The following CFAP299 variants were observed in gnomAD, a reference collection of about 807,000 sequenced individuals.
The protein encoded by CFAP299 is cilia and flagella associated protein 299, also known as cilia- and flagella-associated protein 299.
CFAP299 carries 21 observed loss-of-function variants against 27.0 expected under a neutral mutation model. That is an observed-to-expected ratio of 0.78 (90% CI 0.55 to 1.12). The LOEUF is 1.12. CFAP299 is among the 50% of genes most tolerant of loss of function. The probability of loss-of-function intolerance (pLI) is 0.00; values close to 1 mark genes in which losing one functional copy is unlikely to be tolerated. For synonymous variants in CFAP299, 104 were observed against 98.1 expected, an observed-to-expected ratio of 1.06 and a Z score of -0.36; for missense variants, 310 against 276.6, an observed-to-expected ratio of 1.12 and a Z score of -0.86.
intron 2 of CFAP299, among the ~76,000 whole-genome samples, chr4:80,411,118 A>T (rs946111347): frequency 6.6e-6 from 1 of 152,172 alleles, no homozygotes; most frequent in African/African-American, 2.4e-5. Flanking sequence ...TGGCTATTTG[A>T]CCCATTATTG....
chr4:80,508,685 A>G (rs979995534), intron 2 of CFAP299, among the ~76,000 whole-genome samples: 3 of 152,050 alleles, frequency 2.0e-5, no homozygotes, highest in African/African-American at 7.2e-5. Context: ...TGGCCTCCCC[A>G]GTAGCTGGGA....
chr4:80,844,449 A>T (rs1731049909), intron 3 of CFAP299, among the ~76,000 whole-genome samples: 1 of 152,096 alleles, frequency 6.6e-6, no homozygotes, highest in African/African-American at 2.4e-5. Context: ...CACCATTCTA[A>T]CTGGTGTGAG....
At chr4:80,532,271 A>G (rs960650992) in intron 2 of CFAP299, among the ~76,000 whole-genome samples, 1 of 152,186 alleles carries the variant, frequency 6.6e-6, no homozygotes, top group Admixed American at 6.5e-5. Flanking sequence ...TATTTTTTAA[A>G]TAAGACAAAT....
At chr4:80,741,168 C>A (rs975549995) in intron 3 of CFAP299, among the ~76,000 whole-genome samples, 1 of 144,880 alleles carries the variant, frequency 6.9e-6, no homozygotes, top group Non-Finnish European at 1.5e-5. Context: ...CTGAACAGAG[C>A]ATGTCTCAGG....
At chr4:80,603,934 CTCTTTAAAATAAATTAAT>C (rs1194798281) in intron 3 of CFAP299, among the ~76,000 whole-genome samples, 1 of 152,086 alleles carries the variant, frequency 6.6e-6, no homozygotes, top group African/African-American at 2.4e-5. Context: ...TGCATTCTCG[CTCTTTAAAATAAATTAAT>C]ACAACATGTT....
intron 3 of CFAP299, among the ~76,000 whole-genome samples, chr4:80,704,907 A>G (rs1721733621): frequency 6.6e-6 from 1 of 151,808 alleles, no homozygotes; most frequent in Non-Finnish European, 1.5e-5. Flanking sequence ...GGTAATTTTT[A>G]CCATTTCAGA....
chr4:80,931,718 A>ATG (rs750314286), intron 4 of CFAP299, among the ~76,000 whole-genome samples: 10 of 151,496 alleles, frequency 6.6e-5, no homozygotes, highest in Non-Finnish European at 1.3e-4. Flanking sequence ...TTTAACATGC[A>ATG]CGCACACACA....
rs34162187 is a variant in CFAP299, at chr4:80,891,765, TA to T, written c.476+21641del. Among the ~76,000 whole-genome samples, 55 of 59,066 alleles carry T rather than the reference TA, an allele frequency of 9.3e-4. 1 individual carries two copies. Among genetic ancestry groups the T allele is most frequent in the African/African-American group, 4.2e-3 (50 of 11,928 alleles). The allele number at this position is 59,066 out of a possible 152,430, so 38.7% of individuals were successfully genotyped here. A position where few individuals can be genotyped will look rare whatever the true frequency, so the allele number is the denominator to read the frequency against. The stretch of plus-strand genomic sequence containing the variant: ...ATGTACCCTAAAACTTAGAGTATAA[TA>T]AAAAAAAAAATTAAAAAAAAAATAA... On this transcript the variant is annotated intron_variant, in intron 4 of 5. Transcript: ENST00000358105.
intron 2 of CFAP299, among the ~76,000 whole-genome samples, chr4:80,429,428 T>A (rs900548766): frequency 4.6e-5 from 7 of 152,296 alleles, no homozygotes; most frequent in African/African-American, 1.7e-4. Flanking sequence ...TTTCCAGAAA[T>A]GTTTCTCCTT....
chr4:80,789,261 G>T (rs190772344), intron 3 of CFAP299, among the ~76,000 whole-genome samples: 1 of 152,018 alleles, frequency 6.6e-6, no homozygotes, highest in African/African-American at 2.4e-5. Flanking sequence ...CCTAACCATT[G>T]CAGTCCTAAA....
intron 2 of CFAP299, among the ~76,000 whole-genome samples, chr4:80,457,572 T>C (rs1189997967): frequency 6.6e-6 from 1 of 152,200 alleles, no homozygotes; most frequent in African/African-American, 2.4e-5. Flanking sequence ...ATTCTTCCCA[T>C]TGATTCCTAA....
At chr4:80,743,521 C>A (rs1578082478) in intron 3 of CFAP299, among the ~76,000 whole-genome samples, 1 of 151,990 alleles carries the variant, frequency 6.6e-6, no homozygotes, top group South Asian at 2.1e-4. Context: ...ATCTTAAATG[C>A]ACAATATAGA....
At chr4:80,369,838 C>T (rs1724043769) in intron 2 of CFAP299, among the ~76,000 whole-genome samples, 2 of 152,180 alleles carry the variant, frequency 1.3e-5, no homozygotes, top group African/African-American at 2.4e-5. Context: ...CTTCAGTGAA[C>T]ATTCCAGCAC....
chr4:80,601,405 A>G (rs1331830916), intron 3 of CFAP299, among the ~76,000 whole-genome samples: 4 of 152,198 alleles, frequency 2.6e-5, no homozygotes, highest in Non-Finnish European at 1.5e-5. Flanking sequence ...AAGTCATATG[A>G]ATAAATAAAT....
At chr4:80,651,865 G>A (rs1360525737) in intron 3 of CFAP299, among the ~76,000 whole-genome samples, 1 of 152,014 alleles carries the variant, frequency 6.6e-6, no homozygotes, top group Admixed American at 6.6e-5. Context: ...GAGCTTATGT[G>A]AAGAGTTCAC....
chr4:80,900,123 A>AGTTTGT (rs1553904501), intron 4 of CFAP299, among the ~76,000 whole-genome samples: 2 of 139,794 alleles, frequency 1.4e-5, no homozygotes, highest in Non-Finnish European at 1.5e-5. Flanking sequence ...AGTGGAAGAA[A>AGTTTGT]GTGTGTGTGT....
At chr4:80,680,092 T>C (rs1211061789) in intron 3 of CFAP299, among the ~76,000 whole-genome samples, 1 of 152,096 alleles carries the variant, frequency 6.6e-6, no homozygotes, top group Non-Finnish European at 1.5e-5. Flanking sequence ...GGTGGTGATA[T>C]AGGGAGGAAT....
chr4:80,633,180 G>T (rs1305652729), intron 3 of CFAP299, among the ~76,000 whole-genome samples: 1 of 152,216 alleles, frequency 6.6e-6, no homozygotes, highest in Non-Finnish European at 1.5e-5. Flanking sequence ...CGGGTGTGGT[G>T]GCTCACGCCT....
In CFAP299 at chr4:80,956,461, A is replaced by AC. The variant is rs1168654516; in HGVS notation, c.607-7055dup. ...TCTTATTTATATATTTATTTTAGAG[A>AC]CAGTGTCTTGCTCTGTGTGGAGTCC... is the stretch of plus-strand genomic sequence containing the variant. On this transcript the variant is annotated intron_variant, in intron 5 of 5. Transcript: ENST00000358105. Among the ~76,000 whole-genome samples, 13 of 152,156 alleles carry AC rather than the reference A, an allele frequency of 8.5e-5. No homozygotes were observed. The East Asian group carries it at 2.3e-3, about 27-fold the overall frequency.
Sources: gnomAD v4.1 joint callset for allele counts (sites outside exome capture counted in the v4.1 genomes callset) on GRCh38, gnomAD v4.1.1 for gene constraint, MANE v1.5 for transcripts, NCBI Gene and HGNC (gene_info 2026-07-23, HGNC 2026-07-21) for gene names.